The following PCMTD1 variants were observed in gnomAD, a reference collection of about 807,000 sequenced individuals.
PCMTD1 encodes the protein protein-L-isoaspartate (D-aspartate) O-methyltransferase domain containing 1.
Under a neutral mutation model 37.6 loss-of-function variants are expected in PCMTD1, and 12 were observed. That is an observed-to-expected ratio of 0.32 (90% CI 0.20 to 0.52). PCMTD1 has a LOEUF of 0.52. PCMTD1 is among the 20% of genes least tolerant of loss of function. PCMTD1 has a pLI of 0.97. For synonymous variants in PCMTD1, 117 were observed against 135.8 expected, an observed-to-expected ratio of 0.86 and a Z score of 0.96; for missense variants, 235 against 421.3, an observed-to-expected ratio of 0.56 and a Z score of 3.87.
chr8:51,821,470 C>T (rs1009134850), intron 5 of PCMTD1, among the ~76,000 whole-genome samples: 12 of 152,142 alleles, frequency 7.9e-5, no homozygotes, highest in Admixed American at 6.5e-5. Flanking sequence ...CAAAAACCAT[C>T]TGCTCTGCCC....
Position 51,831,567 on chromosome 8 carries a change from A to G in PCMTD1, c.583T>C (p.Leu195=), listed in dbSNP as rs755793979. 3 of 1,608,382 alleles carry G rather than the reference A, an allele frequency of 1.9e-6. No homozygotes were observed. Among genetic ancestry groups the G allele is most frequent in the Non-Finnish European group, 2.5e-6 (3 of 1,177,702 alleles). The change falls in exon 5 of 6, where the codon TTA becomes CTA. Residue 195 remains leucine (L), a splice_region_variant and synonymous_variant. Coordinates refer to ENST00000522514, the MANE Select transcript of PCMTD1 (RefSeq NM_052937.4). Reference sequence around the variant, plus strand: ...TGTCCAGTTCGCATAATCTGTGTTAACTATTTAGAGAAAAAAAAGAAAGAA... The same window carrying G: ...TGTCCAGTTCGCATAATCTGTGTTAGCTATTTAGAGAAAAAAAAGAAAGAA... ...GILVMPIEDQ[L]TQIMRTGQNT... is the part of the protein sequence containing the mutation.
intron 1 of PCMTD1, among the ~76,000 whole-genome samples, chr8:51,874,897 C>T (rs1284102638): frequency 6.6e-6 from 1 of 152,188 alleles, no homozygotes; most frequent in Non-Finnish European, 1.5e-5. Flanking sequence ...CTAAACTCAA[C>T]TTAAAGAGCT....
At chr8:51,858,970 C>T (rs946354468) in intron 2 of PCMTD1, among the ~76,000 whole-genome samples, 1 of 152,182 alleles carries the variant, frequency 6.6e-6, no homozygotes, top group African/African-American at 2.4e-5. Context: ...TGGCCACAGA[C>T]ATCTAATCTC....
intron 1 of PCMTD1, among the ~76,000 whole-genome samples, chr8:51,874,583 A>T (rs1465490348): frequency 6.6e-6 from 1 of 150,454 alleles, no homozygotes; most frequent in Non-Finnish European, 1.5e-5. Flanking sequence ...GAATTATTTC[A>T]TATTAATTGG....
intron 3 of PCMTD1, among the ~76,000 whole-genome samples, chr8:51,835,190 A>C (rs2038052262): frequency 6.6e-6 from 1 of 152,136 alleles, no homozygotes; most frequent in South Asian, 2.1e-4. Context: ...GTGTTTTGAA[A>C]TCCTGTATCT....
intron 1 of PCMTD1, among the ~76,000 whole-genome samples, chr8:51,896,625 A>G (rs900499715): frequency 2.6e-5 from 4 of 152,212 alleles, no homozygotes; most frequent in African/African-American, 9.6e-5. Context: ...TTAACAGCAT[A>G]AGATCAAGGA....
rs1563367741 is a variant in PCMTD1 at position 51,895,934 on chromosome 8, A to ATTTTTTTTTTTTTT, written c.-96+2995_-96+2996insAAAAAAAAAAAAAA. ...CTTTATTAATGTTAGTATTTGTCCC[A>ATTTTTTTTTTTTTT]TTTCTTTTTTTTTTTTTTTTTTTTT... On this transcript the variant is annotated intron_variant, in intron 1 of 5. Transcript: ENST00000522514. The ATTTTTTTTTTTTTT allele has an allele frequency of 1.2e-4, 14 of 116,670 alleles. 5 individuals carry two copies. Among genetic ancestry groups the ATTTTTTTTTTTTTT allele is most frequent in the Non-Finnish European group, 1.0e-4 (6 of 58,622 alleles). The allele number at this position is 116,670 out of a possible 1,614,324, so 7.2% of individuals were successfully genotyped here.
Position 51,876,589 on chromosome 8 carries a change from T to C in PCMTD1, c.-95-15343A>G, listed in dbSNP as rs1233723044. Among the ~76,000 whole-genome samples the C allele has an allele frequency of 3.3e-5, 5 of 152,286 alleles. No homozygotes were observed. In the East Asian group the frequency reaches 9.6e-4, roughly 29 times the overall value. ...AGGGTTCCTTGGTAAAATGGCTGAC[T>C]CTAAAATTCAGGCAGGGAAAATATG... On this transcript the variant is annotated intron_variant, in intron 1 of 5. Coordinates refer to ENST00000522514, the MANE Select transcript of PCMTD1 (RefSeq NM_052937.4).
intron 1 of PCMTD1, among the ~76,000 whole-genome samples, chr8:51,877,349 G>T (rs1240990404): frequency 2.0e-5 from 3 of 152,156 alleles, no homozygotes; most frequent in Admixed American, 6.5e-5. Flanking sequence ...AAAGGTAGAG[G>T]AGAACAAAGG....
intron 3 of PCMTD1, among the ~76,000 whole-genome samples, chr8:51,835,637 CAT>C (rs1048119919): frequency 1.3e-5 from 2 of 152,012 alleles, no homozygotes; most frequent in African/African-American, 4.8e-5. Context: ...ATTTCAACCT[CAT>C]AATTTTCAGG....
chr8:51,827,185 A>AT, intron 5 of PCMTD1: 1 of 1,116,510 alleles, frequency 9.0e-7, no homozygotes, highest in Non-Finnish European at 1.1e-6. Context: ...CATGCTCTGA[A>AT]TATTACTATA....
chr8:51,893,497 G>C (rs2129296082), intron 1 of PCMTD1, among the ~76,000 whole-genome samples: 2 of 152,216 alleles, frequency 1.3e-5, no homozygotes, highest in South Asian at 4.1e-4. Context: ...AGACAGAGTT[G>C]TACTCCATCT....
At chr8:51,864,138 T>C (rs564071760) in intron 1 of PCMTD1, among the ~76,000 whole-genome samples, 3 of 152,218 alleles carry the variant, frequency 2.0e-5, no homozygotes, top group Admixed American at 6.5e-5. Context: ...AAATAGACTT[T>C]AGGTCAAAAA....
At chr8:51,853,587 T>C (rs768350876) in intron 2 of PCMTD1, among the ~76,000 whole-genome samples, 2 of 152,184 alleles carry the variant, frequency 1.3e-5, no homozygotes, top group African/African-American at 4.8e-5. Context: ...AGATGAACTA[T>C]TGCTCCTTAG....
At chr8:51,870,934 T>C in intron 1 of PCMTD1, among the ~76,000 whole-genome samples, 1 of 152,122 alleles carries the variant, frequency 6.6e-6, no homozygotes, top group South Asian at 2.1e-4. Flanking sequence ...TCAGGCAAAT[T>C]ACTTAATGGG....
At chr8:51,854,624 A>T (rs2038356153) in intron 2 of PCMTD1, among the ~76,000 whole-genome samples, 1 of 152,212 alleles carries the variant, frequency 6.6e-6, no homozygotes, top group Admixed American at 6.5e-5. Context: ...TATGCCTGTA[A>T]TCCCAGCACT....
intron 5 of PCMTD1, among the ~76,000 whole-genome samples, chr8:51,821,434 C>T (rs1453965578): frequency 6.6e-6 from 1 of 152,208 alleles, no homozygotes; most frequent in Non-Finnish European, 1.5e-5. Context: ...AACCATCATG[C>T]CCGGCCCTCT....
intron 5 of PCMTD1, among the ~76,000 whole-genome samples, chr8:51,823,385 G>A (rs2037876266): frequency 6.6e-6 from 1 of 152,100 alleles, no homozygotes; most frequent in Non-Finnish European, 1.5e-5. Context: ...GATCATCTGA[G>A]TCTGGCTAGG....
At chr8:51,877,515 AT>A (rs560688162) in intron 1 of PCMTD1, among the ~76,000 whole-genome samples, 1 of 152,202 alleles carries the variant, frequency 6.6e-6, no homozygotes, top group East Asian at 1.9e-4. Context: ...AAGTACATTA[AT>A]TTTTTTATTA....
Sources: gnomAD v4.1 joint callset for allele counts (sites outside exome capture counted in the v4.1 genomes callset) on GRCh38, gnomAD v4.1.1 for gene constraint, MANE v1.5 for transcripts, NCBI Gene and HGNC (gene_info 2026-07-23, HGNC 2026-07-21) for gene names.